Variants in CCSER1 observed in about 807,000 individuals in gnomAD.
CCSER1 encodes coiled-coil serine rich protein 1.
A neutral mutation model predicts 82.0 loss-of-function variants in CCSER1; 41 were observed. The ratio of observed to expected loss-of-function variants is 0.50; its 90% CI spans 0.39 to 0.65. CCSER1 has a LOEUF of 0.65. Ranked by LOEUF, CCSER1 falls within the 30% of genes least tolerant of loss-of-function variation. The pLI, the probability that CCSER1 is intolerant of heterozygous loss-of-function variation, is 0.00. For synonymous variants in CCSER1, 414 were observed against 383.9 expected, an observed-to-expected ratio of 1.08 and a Z score of -0.92; for missense variants, 1,119 against 1,064.2, an observed-to-expected ratio of 1.05 and a Z score of -0.72.
At chr4:90,693,834 A>G (rs1259879869) in intron 6 of CCSER1, among the ~76,000 whole-genome samples, 1 of 151,828 alleles carries the variant, frequency 6.6e-6, no homozygotes, top group Non-Finnish European at 1.5e-5. Context: ...TAAGTGTCTA[A>G]TGCATATTTT....
At chr4:91,247,068 G>A (rs1442908401) in intron 10 of CCSER1, among the ~76,000 whole-genome samples, 6 of 152,098 alleles carry the variant, frequency 3.9e-5, no homozygotes, top group South Asian at 2.1e-4. Context: ...TTGGGAGGCC[G>A]AGGCGGGTGG....
At chr4:90,482,007 T>C (rs1032841481) in intron 5 of CCSER1, among the ~76,000 whole-genome samples, 16 of 152,106 alleles carry the variant, frequency 1.1e-4, no homozygotes, top group Admixed American at 4.6e-4. Flanking sequence ...GTCCTGGACT[T>C]TTTTTGGTTG....
At chr4:91,347,795 A>C (rs1748159563) in intron 10 of CCSER1, among the ~76,000 whole-genome samples, 1 of 151,960 alleles carries the variant, frequency 6.6e-6, no homozygotes, top group African/African-American at 2.4e-5. Flanking sequence ...ATTAAGAAAA[A>C]AATTGACTTT....
intron 4 of CCSER1, among the ~76,000 whole-genome samples, chr4:90,430,675 G>GT (rs1167701313): frequency 2.0e-5 from 3 of 151,218 alleles, no homozygotes; most frequent in Non-Finnish European, 3.0e-5. Flanking sequence ...TTTTTTTCAA[G>GT]TTTTTTTTCT....
intron 10 of CCSER1, among the ~76,000 whole-genome samples, chr4:91,189,114 T>C (rs1734802816): frequency 6.6e-6 from 1 of 152,264 alleles, no homozygotes; most frequent in Non-Finnish European, 1.5e-5. Context: ...TAAATGTTAA[T>C]GGATTTTTTT....
chr4:90,659,408 A>T (rs1054735034), intron 6 of CCSER1, among the ~76,000 whole-genome samples: 2 of 152,136 alleles, frequency 1.3e-5, no homozygotes, highest in African/African-American at 4.8e-5. Context: ...TAAGAATTGT[A>T]CTTCATAAAT....
chr4:90,135,598 G>A (rs1401147352), intron 1 of CCSER1, among the ~76,000 whole-genome samples: 5 of 152,182 alleles, frequency 3.3e-5, no homozygotes, highest in African/African-American at 1.2e-4. Flanking sequence ...TAGTTAGACT[G>A]GTTAGACTTT....
At chr4:90,904,770 T>C (rs1725206373) in intron 8 of CCSER1, among the ~76,000 whole-genome samples, 1 of 152,112 alleles carries the variant, frequency 6.6e-6, no homozygotes, top group Non-Finnish European at 1.5e-5. Flanking sequence ...GCAGTATTTA[T>C]AGCTTTCATC....
intron 7 of CCSER1, among the ~76,000 whole-genome samples, chr4:90,728,325 T>C (rs1326869055): frequency 6.6e-6 from 1 of 152,272 alleles, no homozygotes; most frequent in Non-Finnish European, 1.5e-5. Flanking sequence ...CAAGCTTCTC[T>C]CAGAGATGTT....
At chr4:90,211,168 G>T (rs1000529052) in intron 1 of CCSER1, among the ~76,000 whole-genome samples, 1 of 152,104 alleles carries the variant, frequency 6.6e-6, no homozygotes, top group Non-Finnish European at 1.5e-5. Flanking sequence ...TTTTTAAACT[G>T]TTCCTTGGAA....
chr4:91,249,167 G>A (rs913295136), intron 10 of CCSER1, among the ~76,000 whole-genome samples: 2 of 152,080 alleles, frequency 1.3e-5, no homozygotes, highest in Non-Finnish European at 2.9e-5. Flanking sequence ...AATTCGGGGT[G>A]TAGTTTTATA....
intron 10 of CCSER1, among the ~76,000 whole-genome samples, chr4:91,183,431 A>G (rs1007622971): frequency 2.0e-5 from 3 of 152,222 alleles, no homozygotes; most frequent in Admixed American, 6.5e-5. Context: ...TATTTTAGGG[A>G]GAATCCAATT....
intron 1 of CCSER1, among the ~76,000 whole-genome samples, chr4:90,153,751 T>C (rs1363351966): frequency 6.6e-6 from 1 of 152,210 alleles, no homozygotes; most frequent in Non-Finnish European, 1.5e-5. Context: ...CTTGTAAATT[T>C]GTTTGAGTTC....
intron 4 of CCSER1, among the ~76,000 whole-genome samples, chr4:90,420,224 T>C (rs563118133): frequency 6.6e-6 from 1 of 152,102 alleles, no homozygotes; most frequent in African/African-American, 2.4e-5. Context: ...TGATACATTC[T>C]TTTACACTCC....
intron 10 of CCSER1, among the ~76,000 whole-genome samples, chr4:91,526,824 G>A (rs1042008677): frequency 6.6e-6 from 1 of 151,908 alleles, no homozygotes; most frequent in Non-Finnish European, 1.5e-5. Flanking sequence ...AACTCCTGAT[G>A]TCAGGTGATC....
At position 90,466,835 on chromosome 4, in the gene CCSER1, C is replaced by T. The variant is rs569078867; in HGVS notation, c.1604-1399C>T. On this transcript the variant is annotated intron_variant, in intron 4 of 10. Transcript: ENST00000509176. ...AGCAGAACATAAAACATGACTATAT[C>T]CTAGAAACGATTACAGCTTATTGAT... 2.6e-5 allele frequency among the ~76,000 whole-genome samples: 4 copies of T among 152,204 alleles called. No homozygotes were observed. In the East Asian group the frequency reaches 7.7e-4, roughly 29 times the overall value.
chr4:90,689,202 A>G (rs79030631), intron 6 of CCSER1, among the ~76,000 whole-genome samples: 3,497 of 152,188 alleles, frequency 0.023, 132 homozygotes, highest in African/African-American at 0.08. Context: ...ATTCAAATCA[A>G]TGCAGGGAAC....
At chr4:91,064,640 CAG>C (rs1257359472) in intron 9 of CCSER1, among the ~76,000 whole-genome samples, 1 of 152,228 alleles carries the variant, frequency 6.6e-6, no homozygotes, top group South Asian at 2.1e-4. Flanking sequence ...AGAAGGAAAG[CAG>C]CTGTTTACTA....
intron 1 of CCSER1, among the ~76,000 whole-genome samples, chr4:90,268,815 A>G (rs373890678): frequency 3.9e-5 from 6 of 152,118 alleles, no homozygotes; most frequent in African/African-American, 1.4e-4. Flanking sequence ...TACTTCACCT[A>G]TAAAGACACA....
Sources: gnomAD v4.1 joint callset for allele counts (sites outside exome capture counted in the v4.1 genomes callset) on GRCh38, gnomAD v4.1.1 for gene constraint, MANE v1.5 for transcripts, NCBI Gene and HGNC (gene_info 2026-07-23, HGNC 2026-07-21) for gene names.